Variants in SETBP1 observed in about 807,000 individuals in gnomAD.
SETBP1 encodes the protein SET-binding protein.
Under a neutral mutation model 101.0 loss-of-function variants are expected in SETBP1, and 9 were observed. That is an observed-to-expected ratio of 0.09 (90% CI 0.05 to 0.16). SETBP1 has a LOEUF of 0.16. Among genes scored for constraint, SETBP1 ranks in the 10% least tolerant of loss-of-function variants. SETBP1 has a pLI of 1.00. For missense variants in SETBP1, 1,858 were observed against 2,033.8 expected, an observed-to-expected ratio of 0.91 and a Z score of 1.66; for synonymous variants, 818 against 788.5, an observed-to-expected ratio of 1.04 and a Z score of -0.63.
intron 3 of SETBP1, among the ~76,000 whole-genome samples, chr18:44,934,016 C>T (rs2070899782): frequency 1.3e-5 from 2 of 152,232 alleles, no homozygotes; most frequent in Non-Finnish European, 2.9e-5. Context: ...CTGCGTCACT[C>T]ATGCTGGGAG....
At chr18:44,996,556 T>G (rs1233006841) in intron 4 of SETBP1, among the ~76,000 whole-genome samples, 1 of 152,262 alleles carries the variant, frequency 6.6e-6, no homozygotes, top group East Asian at 1.9e-4. Flanking sequence ...ATGAAACTGC[T>G]AAACTGACTC....
At chr18:44,745,169 T>C (rs1428086886) in intron 2 of SETBP1, among the ~76,000 whole-genome samples, 2 of 152,204 alleles carry the variant, frequency 1.3e-5, no homozygotes, top group Non-Finnish European at 2.9e-5. Flanking sequence ...CTTGTGAAGC[T>C]CTCAGAGCCC....
At chr18:44,886,794 G>T (rs1424962502) in intron 3 of SETBP1, among the ~76,000 whole-genome samples, 1 of 113,406 alleles carries the variant, frequency 8.8e-6, no homozygotes, top group African/African-American at 3.3e-5. Context: ...ATTATTATTA[G>T]TTAAAAGGAA....
intron 4 of SETBP1, among the ~76,000 whole-genome samples, chr18:44,990,210 C>T (rs900278019): frequency 6.6e-6 from 1 of 151,794 alleles, no homozygotes; most frequent in Non-Finnish European, 1.5e-5. Context: ...TGCAGAAAGA[C>T]AAAATATTTT....
At chr18:45,022,182 C>A (rs1408585859) in intron 4 of SETBP1, among the ~76,000 whole-genome samples, 1 of 152,148 alleles carries the variant, frequency 6.6e-6, no homozygotes, top group Non-Finnish European at 1.5e-5. Flanking sequence ...TCCTTCATGA[C>A]TCCATATGAC....
At position 44,716,533 on chromosome 18, in the gene SETBP1, G is replaced by C. The variant is rs145703602; in HGVS notation, c.486+14701G>C. ...CTTATTTCTGAAAAATGGGAACTGT[G>C]TATCAGAAGCATAGGTGAGTCATTC... On this transcript the variant is annotated intron_variant, in intron 2 of 5. Transcript: ENST00000649279. Among the ~76,000 whole-genome samples the C allele has an allele frequency of 3.9e-3, 589 of 152,186 alleles. 5 individuals carry two copies. The highest frequency in any genetic ancestry group is 0.014 in the African/African-American group (571 of 41,530).
intron 2 of SETBP1, among the ~76,000 whole-genome samples, chr18:44,814,647 G>A (rs2071938057): frequency 6.6e-6 from 1 of 152,234 alleles, no homozygotes; most frequent in South Asian, 2.1e-4. Flanking sequence ...TTAAGAATCA[G>A]AGATCCATAT....
Position 44,700,805 on chromosome 18 carries a change from G to A in SETBP1, c.-172-370G>A, listed in dbSNP as rs914750148. 3.9e-5 allele frequency among the ~76,000 whole-genome samples: 6 copies of A among 152,252 alleles called. No individual in the cohort carries two copies. The East Asian group carries it at 5.8e-4, about 15-fold the overall frequency. On this transcript the variant is annotated intron_variant, in intron 1 of 5. Coordinates refer to ENST00000649279, the MANE Select transcript of SETBP1 (RefSeq NM_015559.3). ...AACCAAATACAGTTCCAGCAGACCT[G>A]AGCCTCAACACTTCAGACTTCCCTT... is the stretch of plus-strand genomic sequence containing the variant.
At chr18:45,050,766 T>C (rs187834979) in intron 5 of SETBP1, among the ~76,000 whole-genome samples, 246 of 152,304 alleles carry the variant, frequency 1.6e-3, no homozygotes, top group African/African-American at 5.7e-3. Flanking sequence ...AAAGAGAATA[T>C]GCCTAATACT....
intron 1 of SETBP1, among the ~76,000 whole-genome samples, chr18:44,683,742 T>C (rs1184521048): frequency 6.6e-6 from 1 of 152,178 alleles, no homozygotes; most frequent in Non-Finnish European, 1.5e-5. Flanking sequence ...AGTTTTTTCC[T>C]TGGAGACTTG....
At chr18:44,855,762 C>T (rs911939525) in intron 2 of SETBP1, among the ~76,000 whole-genome samples, 1 of 152,216 alleles carries the variant, frequency 6.6e-6, no homozygotes, top group Non-Finnish European at 1.5e-5. Flanking sequence ...CAGTTACTCT[C>T]ACTGGCATGG....
At chr18:44,809,565 C>T (rs2071815586) in intron 2 of SETBP1, among the ~76,000 whole-genome samples, 1 of 152,108 alleles carries the variant, frequency 6.6e-6, no homozygotes, top group South Asian at 2.1e-4. Flanking sequence ...TACCCATGGC[C>T]TTTAGTATTT....
chr18:44,998,838 G>A (rs945559461), intron 4 of SETBP1, among the ~76,000 whole-genome samples: 4 of 152,120 alleles, frequency 2.6e-5, no homozygotes, highest in Non-Finnish European at 5.9e-5. Flanking sequence ...TTCTAAAATA[G>A]CCCTAACAGA....
At chr18:44,789,763 C>T (rs986059897) in intron 2 of SETBP1, among the ~76,000 whole-genome samples, 4 of 152,168 alleles carry the variant, frequency 2.6e-5, no homozygotes, top group African/African-American at 9.7e-5. Context: ...GGAGTCTGTC[C>T]CAACCTGTGT....
At position 44,916,954 on chromosome 18, in the gene SETBP1, G is replaced by A. The variant is rs184776685; in HGVS notation, c.541-32927G>A. ...TAACACAGATTTTGCCAAATAAGCC[G>A]CTTCCCTGGTTTCCCAGACCTCATC... On this transcript the variant is annotated intron_variant, in intron 3 of 5. Transcript: ENST00000649279. Among the ~76,000 whole-genome samples, 759 of 152,306 alleles carry A rather than the reference G, an allele frequency of 5.0e-3. 8 individuals carry two copies. The highest frequency in any genetic ancestry group is 0.018 in the African/African-American group (730 of 41,576).
chr18:44,992,976 C>T (rs1337814573), intron 4 of SETBP1, among the ~76,000 whole-genome samples: 1 of 151,938 alleles, frequency 6.6e-6, no homozygotes, highest in Non-Finnish European at 1.5e-5. Context: ...CTATGATTTA[C>T]CTCAGGAATG....
chr18:44,876,645 G>T, intron 3 of SETBP1: 1 of 1,551,616 alleles, frequency 6.4e-7, no homozygotes, highest in Non-Finnish European at 8.7e-7. Flanking sequence ...TCCTGTCCCA[G>T]GAACGTGCCA....
intron 2 of SETBP1, among the ~76,000 whole-genome samples, chr18:44,782,335 A>G (rs1045711669): frequency 6.6e-6 from 1 of 151,730 alleles, no homozygotes; most frequent in Non-Finnish European, 1.5e-5. Flanking sequence ...CCAAAAAGAA[A>G]TGTATTTTTT....
chr18:44,708,997 G>C (rs1174566656), intron 2 of SETBP1, among the ~76,000 whole-genome samples: 1 of 152,150 alleles, frequency 6.6e-6, no homozygotes, highest in Non-Finnish European at 1.5e-5. Flanking sequence ...GGGAGCAAGG[G>C]TCAGAGTTGA....
Sources: allele counts gnomAD v4.1 joint callset (sites outside exome capture counted in the v4.1 genomes callset), GRCh38; gene constraint gnomAD v4.1.1; transcripts MANE v1.5; gene names NCBI Gene and HGNC (gene_info 2026-07-23, HGNC 2026-07-21).